FAM53A: variants seen among roughly 807,000 people sequenced by gnomAD.
FAM53A encodes family with sequence similarity 53 member A.
A neutral mutation model predicts 26.6 loss-of-function variants in FAM53A; 28 were observed. That is an observed-to-expected ratio of 1.05 (90% confidence interval 0.78 to 1.45). The LOEUF is 1.45. FAM53A is among the 40% of genes most tolerant of loss of function. FAM53A has a pLI of 0.00. For missense variants in FAM53A, 650 were observed against 575.8 expected (o/e 1.13, Z -1.32); for synonymous variants, 290 against 253.1 (o/e 1.15, Z -1.38).
At chr4:1,654,702 C>A (rs1320411331) in intron 4 of FAM53A, among the ~76,000 whole-genome samples, 1 of 152,242 alleles carries the variant, frequency 6.6e-6, no homozygotes, top group African/African-American at 2.4e-5. Context: ...TGCTGCCTCC[C>A]CCAGGCCTCA....
the FAM53A span, among the ~76,000 whole-genome samples, chr4:1,582,321 A>T: frequency 5.3e-5 from 8 of 152,334 alleles, no homozygotes; most frequent in Non-Finnish European, 8.8e-5. Context: ...GGCTGGACAG[A>T]GTCCACGGCG....
the FAM53A span, among the ~76,000 whole-genome samples, chr4:1,596,421 G>C: frequency 3.0e-5 from 1 of 33,760 alleles, no homozygotes; most frequent in Non-Finnish European, 6.3e-5. Flanking sequence ...TTCCCCAAAG[G>C]TACCCTCTTG....
At chr4:1,675,764 G>A (rs114851874) in intron 1 of FAM53A, among the ~76,000 whole-genome samples, 1,602 of 152,278 alleles carry the variant, frequency 0.011, 31 homozygotes, top group African/African-American at 0.037. Context: ...TCAGCCCTTA[G>A]GACAGAGGCC....
chr4:1,604,435 G>A, the FAM53A span, among the ~76,000 whole-genome samples: 3 of 152,136 alleles, frequency 2.0e-5, no homozygotes, highest in Admixed American at 1.3e-4. Context: ...GGAGGGTCCC[G>A]TACCGTGGGC....
chr4:1,637,631 CGGCAGGGGTGGGCAGGGGTG>C (rs142291972), downstream of FAM53A, among the ~76,000 whole-genome samples: 2 of 147,774 alleles, frequency 1.4e-5, no homozygotes, highest in Non-Finnish European at 3.0e-5. Context: ...GGGGGCAGCC[CGGCAGGGGTGGGCAGGGGTG>C]GGCAGGGGTG....
chr4:1,652,278 GAC>G (rs746348785), intron 4 of FAM53A, among the ~76,000 whole-genome samples: 3 of 112,162 alleles, frequency 2.7e-5, no homozygotes, highest in African/African-American at 7.1e-5. Flanking sequence ...GCATACACCA[GAC>G]ACACACATGC....
At chr4:1,602,856 G>A in the FAM53A span, among the ~76,000 whole-genome samples, 66 of 152,226 alleles carry the variant, frequency 4.3e-4, no homozygotes, top group African/African-American at 1.4e-3. Flanking sequence ...CGGCGGGAGG[G>A]GCTGCTTGGA....
intron 4 of FAM53A, among the ~76,000 whole-genome samples, chr4:1,649,653 G>A (rs1222481922): frequency 6.6e-6 from 1 of 152,252 alleles, no homozygotes; most frequent in Non-Finnish European, 1.5e-5. Flanking sequence ...GGCCCATGTG[G>A]CAAAGAAATG....
chr4:1,624,188 G>A (rs1014571914), intron 1 of FAM53A, among the ~76,000 whole-genome samples: 5 of 152,380 alleles, frequency 3.3e-5, no homozygotes, highest in East Asian at 1.9e-4. Flanking sequence ...CATGGGCCAC[G>A]ACTGGCTCAG....
the FAM53A span, among the ~76,000 whole-genome samples, chr4:1,610,185 C>T: frequency 1.3e-5 from 2 of 151,960 alleles, no homozygotes; most frequent in Admixed American, 6.6e-5. Context: ...GGACTGGGCC[C>T]GTCCACAGCA....
chr4:1,624,002 G>A (rs1715171938), intron 1 of FAM53A, among the ~76,000 whole-genome samples: 1 of 152,174 alleles, frequency 6.6e-6, no homozygotes, highest in Admixed American at 6.5e-5. Flanking sequence ...TGCCTGCCTG[G>A]GGCGGGTGTG....
chr4:1,583,136 G>A, the FAM53A span, among the ~76,000 whole-genome samples: 154 of 152,352 alleles, frequency 1.0e-3, no homozygotes, highest in African/African-American at 3.5e-3. Flanking sequence ...GGAGATGGGT[G>A]TGCTGGGTGA....
chr4:1,587,795 G>A, the FAM53A span, among the ~76,000 whole-genome samples: 3 of 152,130 alleles, frequency 2.0e-5, no homozygotes, highest in African/African-American at 7.2e-5. Flanking sequence ...ATTTGTTCCA[G>A]TGCCATTGGC....
chr4:1,617,668 C>G (rs920312889), downstream of FAM53A, among the ~76,000 whole-genome samples: 2 of 152,194 alleles, frequency 1.3e-5, no homozygotes, highest in African/African-American at 4.8e-5. Context: ...CATTTCTGTT[C>G]CGAGACCTGC....
In FAM53A at chr4:1,655,097, G is replaced by A. The variant is rs115046452; in HGVS notation, c.763C>T (p.Leu255=). The A allele has an allele frequency of 7.3e-4, 1,168 of 1,601,048 alleles. 5 individuals are homozygous for A. In the African/African-American group the frequency reaches 0.014, roughly 20 times the overall value. ...CAAGGCTGTGAGCGGCACCGGAGCA[G>A]CCCACGGCGCCCGCCCAGCGCAGGC... ...STPALGGRRG[L]LRCRSQPCVL... is the part of the protein sequence containing the mutation. The change falls in exon 4 of 5, where the codon CTG becomes TTG. Residue 255 remains leucine, a synonymous_variant. Coordinates refer to ENST00000308132, the MANE Select transcript of FAM53A (RefSeq NM_001174070.3).
At chr4:1,663,883 A>T (rs1472825855) in intron 2 of FAM53A, among the ~76,000 whole-genome samples, 1 of 152,140 alleles carries the variant, frequency 6.6e-6, no homozygotes, top group Non-Finnish European at 1.5e-5. Context: ...ATTTCAGTTT[A>T]AAAATCTATG....
rs12511531 is a variant in FAM53A, at chr4:1,640,951, A to C, written c.*342T>G. On this transcript the variant is annotated 3_prime_UTR_variant, in exon 5 of 5. Coordinates refer to ENST00000308132, the MANE Select transcript of FAM53A (RefSeq NM_001174070.3). ...CCTAGTCTGTGCCCCAGGGCAGTGC[A>C]GGCGGCAGCCGTGGCCCCGACCAGC... 274 of 382,660 alleles carry C rather than the reference A, an allele frequency of 7.2e-4. No homozygotes were observed. Among genetic ancestry groups the C allele is most frequent in the African/African-American group, 5.5e-3 (196 of 35,454 alleles). The allele number at this position is 382,660 out of a possible 1,614,324, so 23.7% of individuals were successfully genotyped here. A position where few individuals can be genotyped will look rare whatever the true frequency, so the allele number is the denominator to read the frequency against.
rs565171501 is a variant in FAM53A at position 1,679,964 on chromosome 4, A to G, written c.-165+4269T>C. 1.8e-3 allele frequency among the ~76,000 whole-genome samples: 264 copies of G among 150,796 alleles called. 1 individual carries two copies. The highest frequency in any genetic ancestry group is 6.2e-3 in the African/African-American group (253 of 41,026). On this transcript the variant is annotated intron_variant, in intron 1 of 4. Coordinates refer to ENST00000308132, the MANE Select transcript of FAM53A (RefSeq NM_001174070.3). ...CTCGGGAGGATGAGGCGGCAGTTGC[A>G]GTGAGCCAAGATCGCACCATTGCGC...
At chr4:1,668,333 T>A (rs1010684022) in intron 2 of FAM53A, among the ~76,000 whole-genome samples, 1 of 152,006 alleles carries the variant, frequency 6.6e-6, no homozygotes, top group Non-Finnish European at 1.5e-5. Context: ...AGAGACGGGG[T>A]TTCAACATGT....
Sources: allele counts gnomAD v4.1 joint callset (sites outside exome capture counted in the v4.1 genomes callset), GRCh38; gene constraint gnomAD v4.1.1; transcripts MANE v1.5; gene names NCBI Gene and HGNC (gene_info 2026-07-23, HGNC 2026-07-21).